NSUN6: variants seen among roughly 807,000 people sequenced by gnomAD.
NSUN6 encodes the protein NOP2/Sun RNA methyltransferase 6.
In NSUN6, 64 loss-of-function variants were observed where a neutral mutation model predicts 58.0. The observed-to-expected ratio is 1.10, with a 90% CI of 0.90 to 1.36. The LOEUF (loss-of-function observed/expected upper bound fraction) is 1.36. NSUN6 is among the 40% of genes most tolerant of loss of function. The pLI is 0.00. For missense variants in NSUN6, 701 were observed against 550.1 expected (o/e 1.27, Z -2.74); for synonymous variants, 231 against 193.9 (o/e 1.19, Z -1.59).
intron 3 of NSUN6, among the ~76,000 whole-genome samples, chr10:18,630,541 A>T (rs1305702069): frequency 6.6e-6 from 1 of 152,212 alleles, no homozygotes; most frequent in African/African-American, 2.4e-5. Context: ...GAGAAGAATC[A>T]AATAGATGCG....
chr10:18,610,027 C>T, intron 5 of NSUN6, 101 bp from the exon 6 acceptor site: 1 of 751,790 alleles, frequency 1.3e-6, no homozygotes, highest in Non-Finnish European at 2.3e-6. Flanking sequence ...ACATAAGATG[C>T]TCTATCTTTT....
chr10:18,566,174 C>CCATTCTATTCCATTCTCCATTCTT (rs2055920600), intron 8 of NSUN6, among the ~76,000 whole-genome samples: 2 of 151,340 alleles, frequency 1.3e-5, no homozygotes, highest in African/African-American at 4.8e-5. Context: ...ATTCTCCATT[C>CCATTCTATTCCATTCTCCATTCTT]CATTCTATTC....
chr10:18,569,559 T>C (rs922614183), intron 8 of NSUN6, among the ~76,000 whole-genome samples: 5 of 149,782 alleles, frequency 3.3e-5, no homozygotes, highest in African/African-American at 1.2e-4. Context: ...TCCTTTCCAT[T>C]CTCCCTTCCA....
At chr10:18,614,375 G>C in intron 5 of NSUN6, 85 bp downstream of exon 5, 1 of 768,388 alleles carries the variant, frequency 1.3e-6, no homozygotes, top group South Asian at 3.7e-5. Flanking sequence ...TTCATATAAT[G>C]CAACTAGATA....
upstream of NSUN6, chr10:18,652,217 A>AT (rs1214297030): frequency 1.2e-4 from 116 of 976,632 alleles, no homozygotes; most frequent in South Asian, 2.4e-4. Flanking sequence ...CCTCGCCATT[A>AT]TTTTTTTTTC....
At chr10:18,588,271 G>A (rs1209206707) in intron 7 of NSUN6, among the ~76,000 whole-genome samples, 2 of 152,232 alleles carry the variant, frequency 1.3e-5, no homozygotes, top group Non-Finnish European at 2.9e-5. Context: ...CCACTCAGGG[G>A]CTTACAGATA....
chr10:18,561,054 T>C (rs1050725586), intron 8 of NSUN6, among the ~76,000 whole-genome samples: 2 of 144,874 alleles, frequency 1.4e-5, no homozygotes, highest in African/African-American at 5.1e-5. Context: ...CAGAATGGAA[T>C]GGAGGATGGT....
At position 18,613,792 on chromosome 10, in the gene NSUN6, G is replaced by A. The variant is rs556273694; in HGVS notation, c.575+668C>T. Among the ~76,000 whole-genome samples the A allele has an allele frequency of 5.9e-5, 9 of 152,162 alleles. No homozygotes were observed. In the East Asian group the frequency reaches 1.2e-3, roughly 20 times the overall value. On this transcript the variant is annotated intron_variant, in intron 5 of 10. Coordinates refer to ENST00000377304, the MANE Select transcript of NSUN6 (RefSeq NM_182543.5). ...AACTGTTCCACCAATTAGGGATATC[G>A]TCCAATTCTAAAGGGAGAAATTCAC...
chr10:18,631,004 A>G (rs1301602179), intron 3 of NSUN6, among the ~76,000 whole-genome samples: 4 of 151,972 alleles, frequency 2.6e-5, no homozygotes, highest in African/African-American at 9.7e-5. Flanking sequence ...AAAATCCTCA[A>G]TAAAATACTG....
intron 6 of NSUN6, among the ~76,000 whole-genome samples, chr10:18,606,114 GA>G (rs1311763606): frequency 1.3e-5 from 2 of 152,114 alleles, no homozygotes; most frequent in Admixed American, 6.5e-5. Flanking sequence ...TTAGAAAAAA[GA>G]AAAAAACTAA....
chr10:18,576,004 C>T (rs1200392845), intron 8 of NSUN6, among the ~76,000 whole-genome samples: 3 of 152,110 alleles, frequency 2.0e-5, no homozygotes, highest in East Asian at 1.9e-4. Context: ...TTACTTAGTG[C>T]TCCTAACTAC....
At chr10:18,655,711 G>A (rs551373111), upstream of NSUN6, among the ~76,000 whole-genome samples, 5 of 152,280 alleles carry the variant, frequency 3.3e-5, no homozygotes, top group Admixed American at 6.5e-5. Flanking sequence ...AAGAAATTGA[G>A]TCAGCTTCAA....
At chr10:18,580,333 G>A (rs1175949531) in intron 8 of NSUN6, among the ~76,000 whole-genome samples, 2 of 152,114 alleles carry the variant, frequency 1.3e-5, no homozygotes, top group Non-Finnish European at 2.9e-5. Context: ...CTCAGAATAA[G>A]ATCCACTTCA....
chr10:18,580,546 G>T (rs2056859512), intron 8 of NSUN6, among the ~76,000 whole-genome samples: 1 of 152,116 alleles, frequency 6.6e-6, no homozygotes, highest in Non-Finnish European at 1.5e-5. Flanking sequence ...ATTCATAGGT[G>T]GGAAGCTCTA....
intron 7 of NSUN6, among the ~76,000 whole-genome samples, chr10:18,588,798 A>G (rs905999463): frequency 1.3e-5 from 2 of 152,242 alleles, no homozygotes; most frequent in Non-Finnish European, 2.9e-5. Flanking sequence ...ATATAAATCC[A>G]TGAAGATGAG....
chr10:18,636,963 CTTTT>C (rs34797299), intron 3 of NSUN6, among the ~76,000 whole-genome samples: 27 of 124,784 alleles, frequency 2.2e-4, no homozygotes, highest in Admixed American at 1.1e-3. Flanking sequence ...AAGGAATTGA[CTTTT>C]TTTTTTTTTT....
chr10:18,629,359 T>C lies in NSUN6; in HGVS notation c.312-13066A>G, dbSNP rs951994792. ...AAACTGCATGAACTAACGAGCAAAA[T>C]AACCAGCTAACATCATAATGACAGG... On this transcript the variant is annotated intron_variant, in intron 3 of 10. Coordinates refer to ENST00000377304, the MANE Select transcript of NSUN6 (RefSeq NM_182543.5). 2.6e-5 allele frequency among the ~76,000 whole-genome samples: 4 copies of C among 151,740 alleles called. 1 individual carries two copies. Among genetic ancestry groups the C allele is most frequent in the Non-Finnish European group, 5.9e-5 (4 of 67,942 alleles).
At chr10:18,571,428 C>A (rs1325343659) in intron 8 of NSUN6, among the ~76,000 whole-genome samples, 1 of 150,544 alleles carries the variant, frequency 6.6e-6, no homozygotes, top group Non-Finnish European at 1.5e-5. Flanking sequence ...CCATTCCATT[C>A]TTCATTCCAT....
intron 3 of NSUN6, among the ~76,000 whole-genome samples, chr10:18,639,651 T>C (rs1221315476): frequency 6.6e-6 from 1 of 152,176 alleles, no homozygotes; most frequent in Admixed American, 6.5e-5. Flanking sequence ...CATTTGTATT[T>C]ATACATTCAC....
Sources: gnomAD v4.1 joint callset for allele counts (sites outside exome capture counted in the v4.1 genomes callset) on GRCh38, gnomAD v4.1.1 for gene constraint, MANE v1.5 for transcripts, NCBI Gene and HGNC (gene_info 2026-07-23, HGNC 2026-07-21) for gene names.